Variants in DAB1 observed in about 807,000 individuals in gnomAD.
The protein encoded by DAB1 is DAB adaptor protein 1.
In DAB1, 15 loss-of-function variants were observed where a neutral mutation model predicts 64.6. That is an observed-to-expected ratio of 0.23 (90% CI 0.16 to 0.36). DAB1 has a LOEUF of 0.36. Among genes scored for constraint, DAB1 ranks in the 10% least tolerant of loss-of-function variants. The pLI is 1.00. For synonymous variants in DAB1, 235 were observed against 251.9 expected (o/e 0.93, Z 0.64); for missense variants, 596 against 706.7 (o/e 0.84, Z 1.78).
At chr1:58,017,722 A>G (rs1646760907) in intron 5 of DAB1, among the ~76,000 whole-genome samples, 1 of 152,160 alleles carries the variant, frequency 6.6e-6, no homozygotes, top group East Asian at 1.9e-4. Flanking sequence ...TTGGAGAAGC[A>G]AGGGAATTGT....
chr1:57,090,514 A>G (rs1653554363), intron 4 of DAB1, among the ~76,000 whole-genome samples: 1 of 152,132 alleles, frequency 6.6e-6, no homozygotes, highest in African/African-American at 2.4e-5. Flanking sequence ...TGCTTTTCTT[A>G]TAGGTTCAAA....
intron 5 of DAB1, among the ~76,000 whole-genome samples, chr1:57,979,380 T>C (rs1337289621): frequency 6.0e-5 from 9 of 151,230 alleles, no homozygotes; most frequent in African/African-American, 2.2e-4. Flanking sequence ...CACATGGACA[T>C]AGGGAGGGGA....
intron 5 of DAB1, among the ~76,000 whole-genome samples, chr1:57,908,830 T>C (rs1644597714): frequency 6.6e-6 from 1 of 152,196 alleles, no homozygotes; most frequent in African/African-American, 2.4e-5. Flanking sequence ...TGGAGGCATA[T>C]GGTTTAGATT....
chr1:57,006,396 T>G (rs78057087), intron 14 of DAB1, among the ~76,000 whole-genome samples: 4,980 of 152,274 alleles, frequency 0.033, 80 homozygotes, highest in South Asian at 0.039. Context: ...ACTGGCACCA[T>G]GTAGATCCCC....
chr1:57,071,790 GT>G, intron 5 of DAB1, 149 bp from the exon 6 acceptor site: 1 of 763,832 alleles, frequency 1.3e-6, no homozygotes, highest in Non-Finnish European at 2.1e-6. Flanking sequence ...GTTTATACTG[GT>G]TTAGCAAATT....
intron 3 of DAB1, among the ~76,000 whole-genome samples, chr1:57,141,777 T>C (rs1438892449): frequency 6.6e-6 from 1 of 152,154 alleles, no homozygotes; most frequent in Non-Finnish European, 1.5e-5. Context: ...TAGAAGTCAA[T>C]GGTGCATGAT....
chr1:57,261,957 TG>T (rs1670215189), intron 2 of DAB1, among the ~76,000 whole-genome samples: 1 of 152,174 alleles, frequency 6.6e-6, no homozygotes, highest in Non-Finnish European at 1.5e-5. Flanking sequence ...GTACCTGCAC[TG>T]GGCCAATGAA....
intron 1 of DAB1, among the ~76,000 whole-genome samples, chr1:57,408,158 G>T (rs1351406606): frequency 6.6e-6 from 1 of 152,158 alleles, no homozygotes; most frequent in African/African-American, 2.4e-5. Flanking sequence ...TTACACAAGC[G>T]CTGCTGAGAC....
chr1:57,224,687 T>C (rs1366979590), intron 2 of DAB1, among the ~76,000 whole-genome samples: 17 of 152,214 alleles, frequency 1.1e-4, no homozygotes, highest in Admixed American at 8.5e-4. Flanking sequence ...TTTTAAGAAA[T>C]TTGATTTTTG....
intron 6 of DAB1, among the ~76,000 whole-genome samples, chr1:57,818,603 T>C (rs779520073): frequency 1.1e-4 from 16 of 152,142 alleles, no homozygotes; most frequent in Middle Eastern, 3.4e-3. Flanking sequence ...ATTCTCTTAT[T>C]TAATGCTTGT....
At chr1:57,092,551 A>G (rs114548395) in intron 4 of DAB1, among the ~76,000 whole-genome samples, 2,860 of 151,762 alleles carry the variant, frequency 0.019, 99 homozygotes, top group African/African-American at 0.066. Flanking sequence ...TTCTACCACA[A>G]TTTTAAGTTT....
At chr1:57,429,748 CT>C (rs1212637220) in intron 7 of DAB1, among the ~76,000 whole-genome samples, 2 of 152,152 alleles carry the variant, frequency 1.3e-5, no homozygotes, top group East Asian at 3.9e-4. Flanking sequence ...AAAGACTATC[CT>C]TTCCCCTTTA....
At chr1:57,062,209 A>C (rs1028157116) in intron 9 of DAB1, among the ~76,000 whole-genome samples, 2 of 152,056 alleles carry the variant, frequency 1.3e-5, no homozygotes, top group Non-Finnish European at 2.9e-5. Context: ...GATCCACTGG[A>C]CCTTGTTGTC....
chr1:57,606,176 T>A (rs1199482220), intron 7 of DAB1: 2 of 193,564 alleles, frequency 1.0e-5, no homozygotes, highest in Middle Eastern at 1.7e-3. Context: ...TCCGGCTCCA[T>A]GAGTGTTTTT....
chr1:57,478,532 G>T (rs1042632388), intron 7 of DAB1, among the ~76,000 whole-genome samples: 6 of 149,594 alleles, frequency 4.0e-5, no homozygotes, highest in African/African-American at 1.2e-4. Context: ...TGTTATAATA[G>T]ATGCTCTCTT....
intron 7 of DAB1, among the ~76,000 whole-genome samples, chr1:57,467,211 G>A (rs1686982112): frequency 1.3e-5 from 2 of 152,116 alleles, no homozygotes; most frequent in Non-Finnish European, 2.9e-5. Flanking sequence ...CTAAGGATTT[G>A]TATATTTTAA....
intron 3 of DAB1, among the ~76,000 whole-genome samples, chr1:58,484,265 T>C (rs189409674): frequency 0.011 from 1,655 of 152,346 alleles, 31 homozygotes; most frequent in African/African-American, 0.037. Flanking sequence ...ATTACCCTGC[T>C]ATAAAAACTT....
intron 5 of DAB1, among the ~76,000 whole-genome samples, chr1:58,124,645 T>C (rs1035316320): frequency 2.6e-5 from 4 of 152,258 alleles, no homozygotes; most frequent in African/African-American, 9.6e-5. Flanking sequence ...AGTCTCCTCA[T>C]ATTTTATACA....
At chr1:58,399,982 G>T (rs1644555910) in intron 3 of DAB1, among the ~76,000 whole-genome samples, 1 of 152,024 alleles carries the variant, frequency 6.6e-6, no homozygotes, top group Admixed American at 6.6e-5. Flanking sequence ...ACCAGCTCAA[G>T]CTAGCAAAAG....
Sources: allele counts gnomAD v4.1 joint callset (sites outside exome capture counted in the v4.1 genomes callset), GRCh38; gene constraint gnomAD v4.1.1; transcripts MANE v1.5; gene names NCBI Gene and HGNC (gene_info 2026-07-23, HGNC 2026-07-21).